Variants in PIK3C2G observed in about 807,000 individuals in gnomAD.
The protein encoded by PIK3C2G is phosphatidylinositol 3-kinase C2 domain-containing subunit gamma.
Under a neutral mutation model 181.1 loss-of-function variants are expected in PIK3C2G, and 168 were observed. The observed-to-expected ratio is 0.93, with a 90% confidence interval of 0.82 to 1.05. The LOEUF (loss-of-function observed/expected upper bound fraction) is 1.05. PIK3C2G is among the 50% of genes least tolerant of loss of function. PIK3C2G has a pLI of 0.00. For synonymous variants in PIK3C2G, 573 were observed against 592.2 expected (o/e 0.97, Z 0.47); for missense variants, 1,869 against 1,732.8 (o/e 1.08, Z -1.40).
upstream of PIK3C2G, among the ~76,000 whole-genome samples, chr12:18,245,282 C>T (rs918940771): frequency 1.4e-4 from 21 of 152,018 alleles, no homozygotes; most frequent in Non-Finnish European, 2.9e-4. Flanking sequence ...CCAGTGAATT[C>T]CAATTTTAAC....
intron 24 of PIK3C2G, among the ~76,000 whole-genome samples, chr12:18,537,730 G>C (rs1422435283): frequency 1.3e-5 from 2 of 151,870 alleles, no homozygotes; most frequent in Non-Finnish European, 2.9e-5. Flanking sequence ...TTTTCCTAAA[G>C]GGTCATCATA....
the PIK3C2G span, chr12:18,712,734 A>G: frequency 1.0e-5 from 14 of 1,360,954 alleles, no homozygotes; most frequent in African/African-American, 1.6e-4. Flanking sequence ...ATAACCCACA[A>G]TTTGAAATAT....
intron 24 of PIK3C2G, among the ~76,000 whole-genome samples, chr12:18,536,431 T>C (rs879587336): frequency 1.1e-4 from 17 of 152,006 alleles, no homozygotes; most frequent in Non-Finnish European, 2.5e-4. Flanking sequence ...AAGAAGGAGA[T>C]TAGAGAACGG....
intron 30 of PIK3C2G, among the ~76,000 whole-genome samples, chr12:18,605,798 T>C (rs1175675802): frequency 1.3e-5 from 2 of 152,128 alleles, no homozygotes; most frequent in Non-Finnish European, 2.9e-5. Flanking sequence ...GTTTTTCTTA[T>C]GTTGTAGCCG....
intron 5 of PIK3C2G, among the ~76,000 whole-genome samples, chr12:18,310,568 TTTTA>T (rs749951034): frequency 2.0e-5 from 3 of 151,922 alleles, no homozygotes; most frequent in Non-Finnish European, 2.9e-5. Context: ...AAGCTCTAAA[TTTTA>T]TTTGAGTGTC....
At chr12:18,595,802 C>A (rs1947329807) in intron 30 of PIK3C2G, among the ~76,000 whole-genome samples, 1 of 152,102 alleles carries the variant, frequency 6.6e-6, no homozygotes. Context: ...ATCATCCCCA[C>A]ATTTTTATTT....
At chr12:18,604,865 AC>A (rs962595787) in intron 30 of PIK3C2G, among the ~76,000 whole-genome samples, 14 of 152,204 alleles carry the variant, frequency 9.2e-5, no homozygotes, top group African/African-American at 3.1e-4. Context: ...TAATGACACA[AC>A]CTATCAAAAC....
At chr12:18,524,492 T>G (rs1943108709) in intron 24 of PIK3C2G, among the ~76,000 whole-genome samples, 1 of 152,152 alleles carries the variant, frequency 6.6e-6, no homozygotes, top group Non-Finnish European at 1.5e-5. Flanking sequence ...TCCAATGTGT[T>G]ATTTTAATCC....
intron 15 of PIK3C2G, among the ~76,000 whole-genome samples, chr12:18,391,907 T>C (rs1943559693): frequency 6.7e-6 from 1 of 148,538 alleles, no homozygotes; most frequent in East Asian, 2.0e-4. Flanking sequence ...GAGAGAGAGA[T>C]TAAGATATGT....
At chr12:18,335,210 T>C (rs2137569661) in intron 8 of PIK3C2G, among the ~76,000 whole-genome samples, 2 of 152,226 alleles carry the variant, frequency 1.3e-5, no homozygotes, top group Middle Eastern at 3.4e-3. Context: ...TTAGCTCCAG[T>C]TCTGCCCCTT....
In PIK3C2G at chr12:18,282,232, A is replaced by G. The variant is rs765250344; in HGVS notation, c.151A>G (p.Ile51Val). ...DQIVDEISGK[I>V]PHYESEIDEN... The stretch of plus-strand genomic sequence containing the variant: ...GATAGTAGATGAGATCAGTGGCAAA[A>G]TTCCACACTACGAGAGTGAAATTGA... Residue 51 changes from isoleucine (I) to valine (V), a missense_variant, in exon 2 of 33, where the codon ATT becomes GTT. Ile to Val is a conservative substitution (Grantham distance 29, BLOSUM62 3). Transcript: ENST00000538779. The G allele has an allele frequency of 6.2e-7, 1 of 1,613,672 alleles. No individual in the cohort carries two copies. The highest frequency in any genetic ancestry group is 8.5e-7 in the Non-Finnish European group (1 of 1,179,766).
chr12:18,636,153 G>T (rs536828911), intron 31 of PIK3C2G, among the ~76,000 whole-genome samples: 1 of 152,316 alleles, frequency 6.6e-6, no homozygotes, highest in African/African-American at 2.4e-5. Flanking sequence ...GTACCCCTGA[G>T]GTAGGACAGT....
chr12:18,280,297 G>A (rs1296265407), intron 1 of PIK3C2G, among the ~76,000 whole-genome samples: 2 of 151,932 alleles, frequency 1.3e-5, no homozygotes, highest in African/African-American at 4.8e-5. Flanking sequence ...ACGGAAAAGG[G>A]AAATAGTACA....
chr12:18,327,933 G>A (rs761174321), intron 8 of PIK3C2G, among the ~76,000 whole-genome samples: 2 of 151,902 alleles, frequency 1.3e-5, no homozygotes, highest in Non-Finnish European at 2.9e-5. Flanking sequence ...GAGCAAAGCA[G>A]TATAAAACTA....
At chr12:18,384,167 A>T (rs892531115) in intron 14 of PIK3C2G, among the ~76,000 whole-genome samples, 3 of 152,050 alleles carry the variant, frequency 2.0e-5, no homozygotes, top group Non-Finnish European at 4.4e-5. Context: ...GTTAAGGATC[A>T]TAGGGCCAAA....
At chr12:18,332,050 A>C (rs1330293351) in intron 8 of PIK3C2G, among the ~76,000 whole-genome samples, 1 of 152,292 alleles carries the variant, frequency 6.6e-6, no homozygotes, top group Non-Finnish European at 1.5e-5. Flanking sequence ...TATTTTGTTA[A>C]GGATATTTGC....
intron 18 of PIK3C2G, 65 bp from the exon 19 acceptor site, chr12:18,488,384 C>G: frequency 1.8e-6 from 2 of 1,113,276 alleles, no homozygotes; most frequent in Non-Finnish European, 1.2e-6. Context: ...CTTACTGTTC[C>G]GGCTGGATGT....
At chr12:18,523,370 T>C (rs1269790712) in intron 24 of PIK3C2G, among the ~76,000 whole-genome samples, 2 of 152,192 alleles carry the variant, frequency 1.3e-5, no homozygotes, top group Non-Finnish European at 2.9e-5. Context: ...CCAGTCATTG[T>C]TTGTGTTTTT....
the PIK3C2G span, among the ~76,000 whole-genome samples, chr12:18,658,714 G>C: frequency 0.051 from 7,800 of 152,148 alleles, 242 homozygotes; most frequent in African/African-American, 0.091. Flanking sequence ...GATGGCTTGA[G>C]TTATGCATAT....
Sources: allele counts gnomAD v4.1 joint callset (sites outside exome capture counted in the v4.1 genomes callset), GRCh38; gene constraint gnomAD v4.1.1; transcripts MANE v1.5; gene names NCBI Gene and HGNC (gene_info 2026-07-23, HGNC 2026-07-21).